The following FCRL2 variants were observed in gnomAD, a reference collection of about 807,000 sequenced individuals.
FCRL2 encodes the protein Fc receptor like 2.
In FCRL2, 48 loss-of-function variants were observed where a neutral mutation model predicts 59.8. The observed-to-expected ratio is 0.80, with a 90% CI of 0.64 to 1.02. The LOEUF (loss-of-function observed/expected upper bound fraction) is 1.02, where lower values mean the gene tolerates loss of function less well. FCRL2 is among the 50% of genes least tolerant of loss of function. The pLI, the probability that FCRL2 is intolerant of heterozygous loss-of-function variation, is 0.00. For missense variants in FCRL2, 658 were observed against 597.3 expected, an observed-to-expected ratio of 1.10 and a Z score of -1.06; for synonymous variants, 251 against 229.5, an observed-to-expected ratio of 1.09 and a Z score of -0.85.
chr1:157,768,666 C>G lies in FCRL2; in HGVS notation c.631G>C (p.Ala211Pro). ...CCTTCAGTCACCTGTCCCCCGGGGG[C>G]CCGGATCTCCAAGCTTACATTAGAG... ...PISNVSLEIR[A>P]PGGQVTEGQK... Residue 211 changes from alanine (A) to proline (P), a missense_variant, in exon 5 of 12, where the codon GCC (alanine) becomes CCC (proline). By Grantham distance (27) the Ala-to-Pro change is conservative (BLOSUM62 -1). Transcript: ENST00000361516. The G allele has an allele frequency of 6.2e-7, 1 of 1,613,534 alleles. No individual in the cohort carries two copies. The highest frequency in any genetic ancestry group is 8.5e-7 in the Non-Finnish European group (1 of 1,179,674).
In FCRL2 at chr1:157,763,858, G is replaced by A. The variant is rs1047669968; in HGVS notation, c.1279+2997C>T. ...ATCCTGGCCAACATGGTGAAACCCC[G>A]TCTCTACTGAAAATACAAAAAATTA... On this transcript the variant is annotated intron_variant, in intron 7 of 11. Transcript: ENST00000361516. 5.3e-5 allele frequency among the ~76,000 whole-genome samples: 8 copies of A among 151,794 alleles called. No individual in the cohort carries two copies. The East Asian group carries it at 7.8e-4, about 15-fold the overall frequency.
chr1:157,767,331 G>A lies in FCRL2; in HGVS notation c.1062C>T (p.Phe354=). ...AATGTTCTGCAGTCAAAGAGAGGTT[G>A]AAGGAGGCCCCTCCTCCAGAGGGGG... The part of the protein sequence containing the change: ...SSAPSGGGAS[F]NLSLTAEHSG... The change falls in exon 6 of 12, where the codon TTC becomes TTT. Residue 354 remains phenylalanine (F), a synonymous_variant. Coordinates refer to ENST00000361516, the MANE Select transcript of FCRL2 (RefSeq NM_030764.4). The A allele has an allele frequency of 6.2e-7, 1 of 1,614,234 alleles. No homozygotes were observed. The highest frequency in any genetic ancestry group is 8.5e-7 in the Non-Finnish European group (1 of 1,180,040).
intron 1 of FCRL2, among the ~76,000 whole-genome samples, chr1:157,776,479 G>T (rs1290453812): frequency 6.6e-6 from 1 of 151,950 alleles, no homozygotes; most frequent in African/African-American, 2.4e-5. Context: ...CATGTTGGCC[G>T]GGGTGGTCTC....
rs1392774963 is a variant in FCRL2, at chr1:157,773,904, G to A, written c.52+1871C>T. On this transcript the variant is annotated intron_variant, in intron 2 of 11. Transcript: ENST00000361516. ...CAATAGAATCATGCTGACCCCCAGA[G>A]GGTATAGAGGAGAACTGCAGTGGAG... Among the ~76,000 whole-genome samples, 3 of 152,320 alleles carry A rather than the reference G, an allele frequency of 2.0e-5. No individual in the cohort carries two copies. The East Asian group carries it at 5.8e-4, about 29-fold the overall frequency.
intron 7 of FCRL2, 96 bp from the exon 8 acceptor site, chr1:157,749,773 CA>C (rs1648041639): frequency 1.1e-6 from 1 of 887,422 alleles, no homozygotes; most frequent in South Asian, 1.6e-5. Context: ...GCTGGTAAGA[CA>C]TAAGATATAG....
chr1:157,770,339 A>T, intron 3 of FCRL2, 70 bp downstream of exon 3: 1 of 1,560,178 alleles, frequency 6.4e-7, no homozygotes, highest in Non-Finnish European at 8.7e-7. Context: ...GCTTTCCCCT[A>T]CCCAGTACCC....
chr1:157,755,778 A>G (rs2101688145), intron 7 of FCRL2, among the ~76,000 whole-genome samples: 1 of 152,332 alleles, frequency 6.6e-6, no homozygotes, highest in East Asian at 1.9e-4. Context: ...GTATGTTATT[A>G]TTTGTGTGAA....
At chr1:157,760,735 G>GAAAGAAAGAAAGAAAGAAAT in intron 7 of FCRL2, among the ~76,000 whole-genome samples, 2 of 145,880 alleles carry the variant, frequency 1.4e-5, no homozygotes, top group Admixed American at 6.9e-5. Flanking sequence ...AAGAAAGAAA[G>GAAAGAAAGAAAGAAAGAAAT]AAAGAAAGAA....
In FCRL2 at chr1:157,746,740, G is replaced by T. The variant is rs559626965; in HGVS notation, c.1523C>A (p.Ser508Ter). The change falls in exon 12 of 12, where the codon TCA (serine) becomes TAA (stop). Residue 508 changes from serine (S) to a stop codon, truncating the protein, a stop_gained. Coordinates refer to ENST00000361516, the MANE Select transcript of FCRL2 (RefSeq NM_030764.4). LOFTEE classifies it high-confidence loss of function. ...SQVIYSSVKKS is the reference protein window; with the variant it reads ...SQVIYSSVKK ...CCCTTCTGATTCCTCCAAGTGTTATGATTTCTTCACAGAAGAGTAGATGAC... is the reference window on the plus strand; with the variant it reads ...CCCTTCTGATTCCTCCAAGTGTTATTATTTCTTCACAGAAGAGTAGATGAC... 1 of 1,613,654 alleles carries T rather than the reference G, an allele frequency of 6.2e-7. No homozygotes were observed. The highest frequency in any genetic ancestry group is 1.3e-5 in the African/African-American group (1 of 75,020).
At chr1:157,762,579 G>C (rs1370326954) in intron 7 of FCRL2, among the ~76,000 whole-genome samples, 1 of 152,136 alleles carries the variant, frequency 6.6e-6, no homozygotes, top group Non-Finnish European at 1.5e-5. Context: ...TGGACATCCA[G>C]ATACAAAACC....
chr1:157,768,135 G>T, intron 5 of FCRL2: 1 of 368,590 alleles, frequency 2.7e-6, no homozygotes, highest in Non-Finnish European at 4.9e-6. Context: ...ACACTCCCTG[G>T]CCCAGAGCCC....
intron 8 of FCRL2, 138 bp from the exon 9 acceptor site, chr1:157,749,098 A>G (rs1042408327): frequency 4.4e-5 from 28 of 642,482 alleles, no homozygotes; most frequent in Non-Finnish European, 1.9e-5. Context: ...CCCTTTGTGT[A>G]GACTATCTAC....
chr1:157,775,886 T>A (rs1650373372), intron 1 of FCRL2, 91 bp from the exon 2 acceptor site: 1 of 1,391,982 alleles, frequency 7.2e-7, no homozygotes, highest in Non-Finnish European at 9.8e-7. Context: ...GCTCAAAAAC[T>A]TCTTTCCATT....
intron 7 of FCRL2, among the ~76,000 whole-genome samples, chr1:157,762,133 C>G (rs1195892240): frequency 6.6e-6 from 1 of 152,182 alleles, no homozygotes; most frequent in Non-Finnish European, 1.5e-5. Context: ...GCCCAGTCCA[C>G]CACGACGGCA....
chr1:157,748,680 G>T, intron 9 of FCRL2, 62 bp from the exon 10 acceptor site: 1 of 1,399,560 alleles, frequency 7.1e-7, no homozygotes, highest in Non-Finnish European at 1.0e-6. Context: ...TTCATACACA[G>T]CTTCCCAGGC....
At chr1:157,757,672 A>G (rs968278673) in intron 7 of FCRL2, among the ~76,000 whole-genome samples, 6 of 152,154 alleles carry the variant, frequency 3.9e-5, no homozygotes, top group Non-Finnish European at 8.8e-5. Context: ...TAAGAAAATT[A>G]ATTTTGGGGG....
At chr1:157,758,738 T>TATATG (rs1309988356) in intron 7 of FCRL2, among the ~76,000 whole-genome samples, 2 of 135,062 alleles carry the variant, frequency 1.5e-5, no homozygotes, top group African/African-American at 5.6e-5. Context: ...AACTTCGAAC[T>TATATG]ATATGACAAG....
intron 2 of FCRL2, among the ~76,000 whole-genome samples, chr1:157,774,133 G>T (rs1480797778): frequency 6.6e-6 from 1 of 152,244 alleles, no homozygotes; most frequent in Non-Finnish European, 1.5e-5. Flanking sequence ...CTTTGCAAGG[G>T]CAAAGTCCCA....
At chr1:157,763,736 G>A (rs1349346378) in intron 7 of FCRL2, among the ~76,000 whole-genome samples, 1 of 151,140 alleles carries the variant, frequency 6.6e-6, no homozygotes, top group East Asian at 2.0e-4. Context: ...AACAGACTGA[G>A]TCAAAAACAG....
Sources: allele counts gnomAD v4.1 joint callset (sites outside exome capture counted in the v4.1 genomes callset), GRCh38; gene constraint gnomAD v4.1.1; transcripts MANE v1.5; gene names NCBI Gene and HGNC (gene_info 2026-07-23, HGNC 2026-07-21).